APBB2: variants seen among roughly 807,000 people sequenced by gnomAD.
The protein encoded by APBB2 is Fe65-like 1.
A neutral mutation model predicts 82.5 loss-of-function variants in APBB2; 38 were observed. The ratio of observed to expected loss-of-function variants is 0.46; its 90% CI spans 0.36 to 0.60. APBB2 has a LOEUF of 0.60. Among genes scored for constraint, APBB2 ranks in the 20% least tolerant of loss-of-function variants. APBB2 has a pLI of 0.00. For synonymous variants in APBB2, 341 were observed against 368.2 expected (o/e 0.93, Z 0.85); for missense variants, 772 against 972.3 (o/e 0.79, Z 2.74).
chr4:40,845,876 G>A (rs977721641), intron 12 of APBB2, among the ~76,000 whole-genome samples: 1 of 151,738 alleles, frequency 6.6e-6, no homozygotes, highest in Non-Finnish European at 1.5e-5. Context: ...ATTATCCACA[G>A]GACAATGAAG....
At chr4:41,065,160 T>C (rs890149865) in intron 4 of APBB2, among the ~76,000 whole-genome samples, 1 of 151,832 alleles carries the variant, frequency 6.6e-6, no homozygotes, top group African/African-American at 2.4e-5. Context: ...CGGTGGCACA[T>C]CTGTAGTCCC....
At chr4:41,195,806 C>G in intron 1 of APBB2, among the ~76,000 whole-genome samples, 1 of 152,150 alleles carries the variant, frequency 6.6e-6, no homozygotes, top group African/African-American at 2.4e-5. Context: ...TACCCCTTCC[C>G]GCCATATGCA....
At chr4:41,133,145 C>G (rs951629121) in intron 2 of APBB2, among the ~76,000 whole-genome samples, 3 of 151,862 alleles carry the variant, frequency 2.0e-5, no homozygotes, top group Non-Finnish European at 4.4e-5. Flanking sequence ...TATATGTACA[C>G]GTAAGTGTGT....
At chr4:40,833,010 TCTC>T (rs1275593769) in intron 12 of APBB2, among the ~76,000 whole-genome samples, 3 of 152,086 alleles carry the variant, frequency 2.0e-5, no homozygotes, top group Non-Finnish European at 4.4e-5. Context: ...AGCACAGTCT[TCTC>T]CACACTGTGG....
chr4:41,013,273 T>C (rs1465050529), intron 6 of APBB2, among the ~76,000 whole-genome samples: 1 of 152,222 alleles, frequency 6.6e-6, no homozygotes, highest in Non-Finnish European at 1.5e-5. Context: ...AGAAATGATC[T>C]ACCTATGCAC....
chr4:40,907,736 G>A (rs1016440476), intron 10 of APBB2, among the ~76,000 whole-genome samples: 6 of 145,146 alleles, frequency 4.1e-5, no homozygotes, highest in Admixed American at 1.4e-4. Context: ...GTGAAATGGC[G>A]CGATCTTAGC....
At chr4:40,927,928 C>T (rs1783048058) in intron 10 of APBB2, among the ~76,000 whole-genome samples, 1 of 152,180 alleles carries the variant, frequency 6.6e-6, no homozygotes, top group African/African-American at 2.4e-5. Context: ...AAGTTTTCTA[C>T]AATTTGATTG....
chr4:41,016,099 TGAGA>T (rs1809854344), intron 5 of APBB2, among the ~76,000 whole-genome samples: 1 of 152,130 alleles, frequency 6.6e-6, no homozygotes, highest in South Asian at 2.1e-4. Context: ...CATAGATACA[TGAGA>T]GAAAGTTATT....
At chr4:41,042,549 GA>G (rs1202410147) in intron 4 of APBB2, among the ~76,000 whole-genome samples, 1 of 152,160 alleles carries the variant, frequency 6.6e-6, no homozygotes, top group Non-Finnish European at 1.5e-5. Flanking sequence ...CAGAAGCTCA[GA>G]ATGTATGGAC....
At chr4:40,924,591 G>T (rs1340926572) in intron 10 of APBB2, among the ~76,000 whole-genome samples, 1 of 152,180 alleles carries the variant, frequency 6.6e-6, no homozygotes, top group Non-Finnish European at 1.5e-5. Flanking sequence ...CACACCATGA[G>T]AAGACCAAGC....
At chr4:41,144,051 T>A (rs1760002868) in intron 1 of APBB2, among the ~76,000 whole-genome samples, 1 of 152,234 alleles carries the variant, frequency 6.6e-6, no homozygotes, top group Admixed American at 6.5e-5. Context: ...AAGCAATTAG[T>A]GAACATTAAG....
chr4:41,043,482 G>A (rs1722275417), intron 4 of APBB2, among the ~76,000 whole-genome samples: 1 of 152,144 alleles, frequency 6.6e-6, no homozygotes, highest in African/African-American at 2.4e-5. Flanking sequence ...TGGGAGAAAG[G>A]CAGTATGTAT....
intron 2 of APBB2, among the ~76,000 whole-genome samples, chr4:41,104,617 G>A (rs1426019507): frequency 6.6e-6 from 1 of 152,012 alleles, no homozygotes; most frequent in African/African-American, 2.4e-5. Flanking sequence ...AGGTAGTTTT[G>A]CAATCCTCAC....
intron 6 of APBB2, among the ~76,000 whole-genome samples, chr4:40,990,424 G>T (rs1024833751): frequency 6.6e-6 from 1 of 152,064 alleles, no homozygotes; most frequent in Non-Finnish European, 1.5e-5. Context: ...TTGCAAAAGT[G>T]CCAGAAAGGA....
chr4:40,968,773 C>A (rs765568033), intron 6 of APBB2, among the ~76,000 whole-genome samples: 9 of 152,204 alleles, frequency 5.9e-5, no homozygotes, highest in Non-Finnish European at 1.3e-4. Context: ...TTTTCCTAAT[C>A]ACCCACTGTT....
At chr4:40,974,211 C>T (rs1032918731) in intron 6 of APBB2, among the ~76,000 whole-genome samples, 5 of 152,120 alleles carry the variant, frequency 3.3e-5, no homozygotes, top group Non-Finnish European at 7.3e-5. Flanking sequence ...AATGACCTTA[C>T]CTTAACTTGA....
intron 6 of APBB2, among the ~76,000 whole-genome samples, chr4:40,968,330 G>C (rs1174458979): frequency 6.6e-6 from 1 of 152,058 alleles, no homozygotes; most frequent in Non-Finnish European, 1.5e-5. Context: ...AGTGCTCGTA[G>C]ATGCATGCTC....
intron 4 of APBB2, 136 bp from the exon 5 acceptor site, chr4:41,033,440 T>G: frequency 2.0e-6 from 1 of 512,492 alleles, no homozygotes; most frequent in Non-Finnish European, 3.4e-6. Flanking sequence ...GTCCAAATTT[T>G]TGTTTGTTTA....
At chr4:40,991,266 C>T (rs1171787719) in intron 6 of APBB2, among the ~76,000 whole-genome samples, 1 of 147,436 alleles carries the variant, frequency 6.8e-6, no homozygotes, top group Non-Finnish European at 1.5e-5. Flanking sequence ...ATCTGCCTGC[C>T]TTGGCCTCCC....
Sources: allele counts gnomAD v4.1 joint callset (sites outside exome capture counted in the v4.1 genomes callset), GRCh38; gene constraint gnomAD v4.1.1; transcripts MANE v1.5; gene names NCBI Gene and HGNC (gene_info 2026-07-23, HGNC 2026-07-21).